The following HS3ST4 variants were observed in gnomAD, a reference collection of about 807,000 sequenced individuals.
HS3ST4 encodes the protein heparan sulfate-glucosamine 3-sulfotransferase 4.
A neutral mutation model predicts 29.2 loss-of-function variants in HS3ST4; 17 were observed. The observed-to-expected ratio is 0.58, with a 90% CI of 0.40 to 0.87. The LOEUF (loss-of-function observed/expected upper bound fraction) is 0.87. Ranked by LOEUF, HS3ST4 falls within the 40% of genes least tolerant of loss-of-function variation. The pLI is 0.00. For missense variants in HS3ST4, 627 were observed against 634.5 expected, an observed-to-expected ratio of 0.99 and a Z score of 0.13; for synonymous variants, 314 against 285.7, an observed-to-expected ratio of 1.10 and a Z score of -1.00.
At position 25,809,273 on chromosome 16, in the gene HS3ST4, C is replaced by T. The variant is rs146263657; in HGVS notation, c.734+116122C>T. Among the ~76,000 whole-genome samples, 903 of 152,166 alleles carry T rather than the reference C, an allele frequency of 5.9e-3. 3 individuals carry two copies. The highest frequency in any genetic ancestry group is 8.8e-3 in the Non-Finnish European group (601 of 67,970). On this transcript the variant is annotated intron_variant, in intron 1 of 1. Transcript: ENST00000331351. ...TAGGAAGATTTAGTTACACTCTATT[C>T]CTAACTTGATTTTGTCAAATGGTTT...
At chr16:26,056,069 AGAG>A (rs1898404423) in intron 1 of HS3ST4, among the ~76,000 whole-genome samples, 1 of 148,662 alleles carries the variant, frequency 6.7e-6, no homozygotes, top group African/African-American at 2.5e-5. Context: ...AGAGAGAGAG[AGAG>A]AGAGAGAAGA....
In HS3ST4 at chr16:25,693,082, A is replaced by T; in HGVS notation, c.665A>T (p.Asp222Val). 1 of 1,608,730 alleles carries T rather than the reference A, an allele frequency of 6.2e-7. No individual in the cohort carries two copies. Among genetic ancestry groups the T allele is most frequent in the Non-Finnish European group, 8.5e-7 (1 of 1,177,906 alleles). ...ALLEAIRVHP[D>V]VRAVGVEPHF... ...CTGGAGGCGATCCGCGTGCACCCGG[A>T]CGTGCGGGCGGTGGGCGTAGAGCCG... Residue 222 changes from aspartate to valine, a missense_variant, in exon 1 of 2, where the codon GAC becomes GTC. Around this residue, in one of 2 missense-constraint regions of HS3ST4, gnomAD observed 402 missense variants for 340.8 expected, o/e 1.18. Transcript: ENST00000331351.
rs1353005736 is a variant in HS3ST4 at position 25,711,246 on chromosome 16, A to G, written c.734+18095A>G. Among the ~76,000 whole-genome samples, 3 of 152,236 alleles carry G rather than the reference A, an allele frequency of 2.0e-5. No homozygotes were observed. In the East Asian group the frequency reaches 5.8e-4, roughly 29 times the overall value. ...ACGTTGGGTAACTTCAGAGAGAGGT[A>G]CTGATTTTCCGAGCCCTGCTGTGCG... On this transcript the variant is annotated intron_variant, in intron 1 of 1. Coordinates refer to ENST00000331351, the MANE Select transcript of HS3ST4 (RefSeq NM_006040.3).
intron 1 of HS3ST4, among the ~76,000 whole-genome samples, chr16:25,857,899 T>TCTTCCTTCCTTCCTTCCTTC (rs370477899): frequency 1.1e-5 from 1 of 93,658 alleles, no homozygotes; most frequent in Non-Finnish European, 2.2e-5. Context: ...TCTTTTTCTT[T>TCTTCCTTCCTTCCTTCCTTC]CTTCCTTCCT....
At chr16:25,909,512 TTTGGA>T (rs1968215117) in intron 1 of HS3ST4, among the ~76,000 whole-genome samples, 1 of 152,102 alleles carries the variant, frequency 6.6e-6, no homozygotes, top group African/African-American at 2.4e-5. Flanking sequence ...CCAAGTGATC[TTTGGA>T]CCAACTTCGA....
chr16:25,929,889 A>G (rs1401409589), intron 1 of HS3ST4, among the ~76,000 whole-genome samples: 2 of 152,176 alleles, frequency 1.3e-5, no homozygotes, highest in Non-Finnish European at 2.9e-5. Context: ...TGTATGGATT[A>G]TTTTGTCACC....
At chr16:25,790,936 A>T (rs1966867932) in intron 1 of HS3ST4, among the ~76,000 whole-genome samples, 1 of 152,166 alleles carries the variant, frequency 6.6e-6, no homozygotes, top group Non-Finnish European at 1.5e-5. Flanking sequence ...TTATAGTAAG[A>T]GATTTTTCAT....
At chr16:26,038,369 CTTG>C (rs1969604115) in intron 1 of HS3ST4, among the ~76,000 whole-genome samples, 1 of 151,694 alleles carries the variant, frequency 6.6e-6, no homozygotes, top group African/African-American at 2.4e-5. Flanking sequence ...GGTGCATTTA[CTTG>C]TTGATTTGTA....
chr16:26,037,669 T>C (rs951996977), intron 1 of HS3ST4, among the ~76,000 whole-genome samples: 2 of 152,186 alleles, frequency 1.3e-5, no homozygotes, highest in Non-Finnish European at 2.9e-5. Flanking sequence ...CTGAGCAGTT[T>C]GTTGGATTGC....
At chr16:26,132,752 A>G (rs1899437169) in intron 1 of HS3ST4, among the ~76,000 whole-genome samples, 1 of 152,212 alleles carries the variant, frequency 6.6e-6, no homozygotes, top group South Asian at 2.1e-4. Context: ...CTCCTACACT[A>G]AAGAAAAATG....
intron 1 of HS3ST4, among the ~76,000 whole-genome samples, chr16:25,914,051 G>A (rs1968267089): frequency 7.2e-6 from 1 of 139,612 alleles, no homozygotes; most frequent in South Asian, 2.1e-4. Context: ...TGTGTGTGGG[G>A]TGTGTGTGTG....
intron 1 of HS3ST4, among the ~76,000 whole-genome samples, chr16:25,824,412 C>T (rs1342315945): frequency 6.6e-6 from 1 of 152,160 alleles, no homozygotes; most frequent in East Asian, 1.9e-4. Context: ...TTAATGGACT[C>T]ACAGTTCCAC....
chr16:26,121,134 AG>A (rs1899270389), intron 1 of HS3ST4, among the ~76,000 whole-genome samples: 1 of 152,186 alleles, frequency 6.6e-6, no homozygotes, highest in Non-Finnish European at 1.5e-5. Flanking sequence ...GAGGCGGTTA[AG>A]GAGGTCTTCC....
intron 1 of HS3ST4, among the ~76,000 whole-genome samples, chr16:25,827,451 C>T (rs957954704): frequency 6.6e-6 from 1 of 151,816 alleles, no homozygotes; most frequent in Admixed American, 6.6e-5. Flanking sequence ...AATACAGTTC[C>T]CCAAATTCCT....
intron 1 of HS3ST4, among the ~76,000 whole-genome samples, chr16:26,099,787 AC>A (rs566673728): frequency 2.0e-5 from 3 of 152,294 alleles, no homozygotes; most frequent in Admixed American, 6.5e-5. Flanking sequence ...AAGTAAACAC[AC>A]AGACATACAC....
At position 26,069,221 on chromosome 16, in the gene HS3ST4, A is replaced by G. The variant is rs147450001; in HGVS notation, c.735-66391A>G. Among the ~76,000 whole-genome samples, 929 of 152,302 alleles carry G rather than the reference A, an allele frequency of 6.1e-3. 8 individuals carry two copies. The highest frequency in any genetic ancestry group is 0.022 in the African/African-American group (903 of 41,566). ...ACTGCCTCAGCCTCCCAAAGTGCTGAAATTATAGGCATGAGCCACTGCACC... is the reference window on the plus strand; with the variant it reads ...ACTGCCTCAGCCTCCCAAAGTGCTGGAATTATAGGCATGAGCCACTGCACC... On this transcript the variant is annotated intron_variant, in intron 1 of 1. Coordinates refer to ENST00000331351, the MANE Select transcript of HS3ST4 (RefSeq NM_006040.3).
intron 1 of HS3ST4, among the ~76,000 whole-genome samples, chr16:25,901,999 C>T (rs1361588520): frequency 2.0e-5 from 3 of 152,188 alleles, no homozygotes; most frequent in African/African-American, 7.2e-5. Context: ...AGGTCTGTTG[C>T]TGGGTCTCTG....
intron 1 of HS3ST4, among the ~76,000 whole-genome samples, chr16:25,758,316 A>C (rs1243079946): frequency 6.6e-6 from 1 of 152,160 alleles, no homozygotes; most frequent in Non-Finnish European, 1.5e-5. Context: ...ACAAATGTTA[A>C]TCATGGTCTC....
intron 1 of HS3ST4, among the ~76,000 whole-genome samples, chr16:26,010,221 A>C (rs145358016): frequency 5.4e-4 from 83 of 152,316 alleles, no homozygotes; most frequent in Non-Finnish European, 9.7e-4. Flanking sequence ...TGGGAGGCCA[A>C]GGAGGGTGGA....
Sources: allele counts gnomAD v4.1 joint callset (sites outside exome capture counted in the v4.1 genomes callset), GRCh38; gene constraint gnomAD v4.1.1; regional missense constraint gnomAD v4.1.1; transcripts MANE v1.5; gene names NCBI Gene and HGNC (gene_info 2026-07-23, HGNC 2026-07-21).